EGFLAM: variants seen among roughly 807,000 people sequenced by gnomAD.
EGFLAM encodes EGF like, fibronectin type III and laminin G domains, also known as pikachurin.
Under a neutral mutation model 113.1 loss-of-function variants are expected in EGFLAM, and 79 were observed. The observed-to-expected ratio is 0.70, with a 90% CI of 0.58 to 0.84. The LOEUF (loss-of-function observed/expected upper bound fraction) is 0.84, where lower values mean the gene tolerates loss of function less well. Among genes scored for constraint, EGFLAM ranks in the 40% least tolerant of loss-of-function variants. EGFLAM has a pLI of 0.00. For missense variants in EGFLAM, 1,265 were observed against 1,291.6 expected (o/e 0.98, Z 0.32); for synonymous variants, 504 against 487.6 (o/e 1.03, Z -0.44).
At chr5:38,453,439 G>A (rs535433665) in intron 19 of EGFLAM, among the ~76,000 whole-genome samples, 67 of 152,292 alleles carry the variant, frequency 4.4e-4, no homozygotes, top group African/African-American at 1.6e-3. Flanking sequence ...TGAATAAAAG[G>A]CATTTTGAGA....
chr5:38,384,784 C>T (rs1490021152), intron 6 of EGFLAM, among the ~76,000 whole-genome samples: 4 of 152,086 alleles, frequency 2.6e-5, no homozygotes, highest in Non-Finnish European at 5.9e-5. Context: ...TCTGTTACTA[C>T]TCTATTGTGC....
At position 38,352,236 on chromosome 5, in the gene EGFLAM, C is replaced by T. The variant is rs141987997; in HGVS notation, c.450C>T (p.Val150=). 4.8e-5 allele frequency: 77 copies of T among 1,614,084 alleles called. No individual in the cohort carries two copies. The African/African-American group carries it at 9.2e-4, about 19-fold the overall frequency. ...LPPAAPQQPH[V]IVVSDSEVAL... ...CTGCAGCTCCCCAGCAGCCACATGT[C>T]ATTGTGGTTTCGGATTCTGAGGTGG... The change falls in exon 5 of 22, where the codon GTC becomes GTT. Residue 150 remains valine, a synonymous_variant. Coordinates refer to ENST00000322350, the MANE Select transcript of EGFLAM (RefSeq NM_152403.4).
chr5:38,394,250 T>C (rs925036790), intron 6 of EGFLAM, among the ~76,000 whole-genome samples: 13 of 151,956 alleles, frequency 8.6e-5, no homozygotes, highest in African/African-American at 3.1e-4. Context: ...CGGGGTCAGC[T>C]GTTTTCACTT....
chr5:38,438,155 TA>T (rs201501633), intron 16 of EGFLAM, 119 bp from the exon 17 acceptor site: 13 of 1,068,772 alleles, frequency 1.2e-5, no homozygotes, highest in Non-Finnish European at 1.4e-5. Flanking sequence ...AAACTGGACT[TA>T]AAAAAATTTT....
At chr5:38,361,400 C>T (rs904325955) in intron 5 of EGFLAM, among the ~76,000 whole-genome samples, 4 of 152,190 alleles carry the variant, frequency 2.6e-5, no homozygotes, top group African/African-American at 9.7e-5. Flanking sequence ...CCTCTTGGAA[C>T]ATGAATGCAA....
At position 38,407,161 on chromosome 5, in the gene EGFLAM, G is replaced by A. The variant is rs1741316652; in HGVS notation, c.1147+15G>A. The stretch of plus-strand genomic sequence containing the variant: ...CTGCTCAGAAGGTAGGCCCTTGGGG[G>A]AGAGGAAGAAGTGGTGATGAATTGG... On this transcript the variant is annotated intron_variant, in intron 8 of 21. Transcript: ENST00000322350. The A allele has an allele frequency of 7.6e-6, 12 of 1,577,300 alleles. No homozygotes were observed. The East Asian group carries it at 2.2e-4, about 29-fold the overall frequency.
Position 38,334,779 on chromosome 5 carries a change from T to A in EGFLAM, c.98-2741T>A, listed in dbSNP as rs1739141988. ...GTTACTTTATACTGTTACTTATACA[T>A]CTCATGTACACCACTATAAACTTCT... On this transcript the variant is annotated intron_variant, in intron 1 of 21. Coordinates refer to ENST00000322350, the MANE Select transcript of EGFLAM (RefSeq NM_152403.4). Among the ~76,000 whole-genome samples the A allele has an allele frequency of 2.6e-5, 4 of 152,220 alleles. No homozygotes were observed. The South Asian group carries it at 8.3e-4, about 31-fold the overall frequency.
intron 5 of EGFLAM, among the ~76,000 whole-genome samples, chr5:38,360,613 CAG>C (rs2112010870): frequency 6.6e-6 from 1 of 152,232 alleles, no homozygotes; most frequent in East Asian, 1.9e-4. Flanking sequence ...TCTCTGGCCT[CAG>C]ACAACAGAAT....
chr5:38,349,470 A>T (rs1004685076), intron 3 of EGFLAM, among the ~76,000 whole-genome samples: 5 of 152,100 alleles, frequency 3.3e-5, no homozygotes, highest in Admixed American at 3.3e-4. Context: ...ATCATGCAAG[A>T]TGGTTATATG....
intron 10 of EGFLAM, among the ~76,000 whole-genome samples, chr5:38,410,830 G>A (rs568448014): frequency 2.0e-5 from 3 of 152,312 alleles, no homozygotes; most frequent in African/African-American, 7.2e-5. Flanking sequence ...TTGCCAAAAT[G>A]AGCCTGAAGA....
At chr5:38,282,380 C>A (rs544512350) in intron 1 of EGFLAM, 1 of 152,286 alleles carries the variant, frequency 6.6e-6, no homozygotes, top group East Asian at 1.9e-4. Context: ...ATGATTAGAA[C>A]CTAAACTCAT....
At chr5:38,388,831 T>C (rs965666074) in intron 6 of EGFLAM, among the ~76,000 whole-genome samples, 1 of 150,502 alleles carries the variant, frequency 6.6e-6, no homozygotes, top group African/African-American at 2.4e-5. Flanking sequence ...AGGAGGATCA[T>C]TTGAGCCTGG....
intron 15 of EGFLAM, among the ~76,000 whole-genome samples, chr5:38,432,424 T>A (rs1742216497): frequency 6.7e-6 from 1 of 149,378 alleles, no homozygotes; most frequent in Admixed American, 6.7e-5. Flanking sequence ...TGGGTTCTGT[T>A]TCAAGAGGTG....
chr5:38,328,723 G>GTTT (rs3077265), intron 1 of EGFLAM, among the ~76,000 whole-genome samples: 3 of 103,026 alleles, frequency 2.9e-5, no homozygotes, highest in African/African-American at 7.3e-5. Context: ...AGCTATACTT[G>GTTT]TTTTTTTTTT....
chr5:38,445,564 CT>C, intron 17 of EGFLAM: 1 of 1,594,636 alleles, frequency 6.3e-7, no homozygotes, highest in Non-Finnish European at 8.5e-7. Flanking sequence ...TCGGGCAGAG[CT>C]TTGTGAGAGA....
intron 1 of EGFLAM, chr5:38,290,900 T>G (rs1033514202): frequency 6.6e-6 from 1 of 152,064 alleles, no homozygotes. Context: ...GCTAACGCGG[T>G]GAAACCCGTC....
At chr5:38,382,582 G>T (rs1255307419) in intron 6 of EGFLAM, among the ~76,000 whole-genome samples, 1 of 152,060 alleles carries the variant, frequency 6.6e-6, no homozygotes, top group Non-Finnish European at 1.5e-5. Context: ...GCAAGTGGAT[G>T]GTATTCTGAA....
chr5:38,296,465 A>G (rs1222732313), intron 1 of EGFLAM, among the ~76,000 whole-genome samples: 1 of 152,134 alleles, frequency 6.6e-6, no homozygotes, highest in Admixed American at 6.6e-5. Context: ...CTCTCACTTA[A>G]AGAGAATGGC....
intron 17 of EGFLAM, among the ~76,000 whole-genome samples, chr5:38,439,031 A>T (rs991482121): frequency 6.6e-5 from 10 of 152,374 alleles, no homozygotes; most frequent in Admixed American, 6.5e-4. Context: ...TAGCAGTATT[A>T]TTGTGTGTCT....
Sources: allele counts gnomAD v4.1 joint callset (sites outside exome capture counted in the v4.1 genomes callset), GRCh38; gene constraint gnomAD v4.1.1; transcripts MANE v1.5; gene names NCBI Gene and HGNC (gene_info 2026-07-23, HGNC 2026-07-21).